Variants in NPAS4 observed in about 807,000 individuals in gnomAD.
NPAS4 encodes the protein neuronal PAS domain protein 4.
A neutral mutation model predicts 64.0 loss-of-function variants in NPAS4; 10 were observed. That is an observed-to-expected ratio of 0.16 (90% CI 0.10 to 0.26). The LOEUF is 0.26. Ranked by LOEUF, NPAS4 falls within the 10% of genes least tolerant of loss-of-function variation. The pLI, the probability that NPAS4 is intolerant of heterozygous loss-of-function variation, is 1.00. For missense variants in NPAS4, 886 were observed against 992.6 expected, an observed-to-expected ratio of 0.89 and a Z score of 1.44; for synonymous variants, 441 against 411.7, an observed-to-expected ratio of 1.07 and a Z score of -0.86.
chr11:66,422,595 T>C, intron 3 of NPAS4, 42 bp downstream of exon 3: 1 of 1,600,110 alleles, frequency 6.2e-7, no homozygotes, highest in Non-Finnish European at 8.6e-7. Context: ...ATTTCCCACC[T>C]GCTGCCCTTC....
the NPAS4 span, chr11:66,410,806 C>T: frequency 6.6e-6 from 1 of 152,300 alleles, no homozygotes; most frequent in Non-Finnish European, 1.5e-5. Flanking sequence ...TGGGGTCCCT[C>T]TATGACTGCC....
At position 66,421,091 on chromosome 11, in the gene NPAS4, G is replaced by A; in HGVS notation, c.-89G>A. The A allele has an allele frequency of 1.7e-6, 2 of 1,150,052 alleles. No homozygotes were observed. The highest frequency in any genetic ancestry group is 1.5e-5 in the African/African-American group (1 of 64,894). The allele number at this position is 1,150,052 out of a possible 1,614,324, so 71.2% of individuals were successfully genotyped here. A position where few individuals can be genotyped will look rare whatever the true frequency, so the allele number is the denominator to read the frequency against. Reference sequence around the variant, plus strand: ...CAGAGAGCGAGCCTGAGCGAGAGACGGGGAAGCACGGAGGAGGAAGCCGCC... The same window carrying A: ...CAGAGAGCGAGCCTGAGCGAGAGACAGGGAAGCACGGAGGAGGAAGCCGCC... On this transcript the variant is annotated 5_prime_UTR_variant, in exon 1 of 8. Transcript: ENST00000311034.
upstream of NPAS4, among the ~76,000 whole-genome samples, chr11:66,420,191 C>A (rs999398950): frequency 1.1e-4 from 16 of 152,260 alleles, no homozygotes; most frequent in Non-Finnish European, 2.1e-4. Context: ...CGCCGTGCCC[C>A]CACGTCCCTG....
rs780926025 is a variant in NPAS4 at position 66,423,208 on chromosome 11, G to A, written c.784G>A (p.Ala262Thr). ...GLLHPEDLAH[A>T]SAQHYRLLAE... ...GCTGCACCCCGAGGACCTGGCCCAC[G>A]CTTCTGCTCAACACTACCGCCTGTG... Residue 262 changes from alanine (A) to threonine (T), a missense_variant, in exon 5 of 8, where the codon GCT becomes ACT. Ala to Thr is a moderately conservative substitution (Grantham distance 58). Around this residue, in one of 3 missense-constraint regions of NPAS4, gnomAD observed 820 missense variants for 855.5 expected, o/e 0.96. Transcript: ENST00000311034. 6.8e-6 allele frequency: 11 copies of A among 1,608,234 alleles called. No homozygotes were observed. The highest frequency in any genetic ancestry group is 4.5e-5 in the East Asian group (2 of 44,872).
In NPAS4 at chr11:66,423,618, G is replaced by A. The variant is rs750126242; in HGVS notation, c.849G>A (p.Arg283=). 2 of 1,614,016 alleles carry A rather than the reference G, an allele frequency of 1.2e-6. No homozygotes were observed. The highest frequency in any genetic ancestry group is 2.7e-5 in the African/African-American group (2 of 74,884). ...ATATTCAGGCAGAGATGGTGGTGAG[G>A]CTACAGGCCAAGACTGGAGGCTGGG... ...SGDIQAEMVV[R]LQAKTGGWAW... is the part of the protein sequence containing the mutation. Residue 283 remains arginine, a synonymous_variant, in exon 6 of 8, where the codon AGG becomes AGA. Transcript: ENST00000311034.
the NPAS4 span, among the ~76,000 whole-genome samples, chr11:66,411,948 T>C: frequency 6.6e-6 from 1 of 152,218 alleles, no homozygotes; most frequent in African/African-American, 2.4e-5. Flanking sequence ...AGGGCTGCTG[T>C]GAGGTTTTCA....
the NPAS4 span, among the ~76,000 whole-genome samples, chr11:66,414,283 T>C: frequency 6.6e-6 from 1 of 152,140 alleles, no homozygotes; most frequent in Non-Finnish European, 1.5e-5. Context: ...GTCAAGAGTA[T>C]TGGTCGCTGC....
At chr11:66,420,073 C>A (rs2134639134), upstream of NPAS4, among the ~76,000 whole-genome samples, 1 of 152,284 alleles carries the variant, frequency 6.6e-6, no homozygotes, top group East Asian at 1.9e-4. Flanking sequence ...GGCCCCGCCC[C>A]CGCCCCCGGC....
Position 66,424,704 on chromosome 11 carries a change from T to C in NPAS4, c.1814T>C (p.Val605Ala). 1 of 1,613,070 alleles carries C rather than the reference T, an allele frequency of 6.2e-7. No homozygotes were observed. The highest frequency in any genetic ancestry group is 8.5e-7 in the Non-Finnish European group (1 of 1,179,394). ...CCCCTCTCTGTGGATGTCCCCCTGG[T>C]GCCCGAAGGCCTGCTCACACCTGAG... Reference protein sequence around the residue: ...RGPLSVDVPLVPEGLLTPEAS... With the variant: ...RGPLSVDVPLAPEGLLTPEAS... The change falls in exon 7 of 8, where the codon GTG (valine) becomes GCG (alanine). Residue 605 changes from valine to alanine, a missense_variant. Around this residue, in one of 3 missense-constraint regions of NPAS4, gnomAD observed 820 missense variants for 855.5 expected, o/e 0.96. Coordinates refer to ENST00000311034, the MANE Select transcript of NPAS4 (RefSeq NM_178864.4).
Position 66,423,996 on chromosome 11 carries a change from C to T in NPAS4, c.1106C>T (p.Ala369Val). Residue 369 changes from alanine to valine, a missense_variant, in exon 7 of 8, where the codon GCT becomes GTT. Physicochemically the swap from Ala to Val is moderately conservative, Grantham distance 64. Coordinates refer to ENST00000311034, the MANE Select transcript of NPAS4 (RefSeq NM_178864.4). The stretch of plus-strand genomic sequence containing the variant: ...CCACTCTTCACCGCAGCACTGGGGG[C>T]TCCCAGAAGCACCAGCTTCCCCAGT... ...TNPLFTAALG[A>V]PRSTSFPSAP... 6.2e-7 allele frequency: 1 copy of T among 1,614,106 alleles called. No homozygotes were observed. Among genetic ancestry groups the T allele is most frequent in the Admixed American group, 1.7e-5 (1 of 60,026 alleles).
At chr11:66,418,163 C>A (rs1447153343), upstream of NPAS4, among the ~76,000 whole-genome samples, 1 of 152,192 alleles carries the variant, frequency 6.6e-6, no homozygotes, top group Non-Finnish European at 1.5e-5. Flanking sequence ...GCCCCTCTCC[C>A]AATTCACTCC....
In NPAS4 at chr11:66,423,190, C is replaced by G. The variant is rs752732068; in HGVS notation, c.766C>G (p.Pro256Ala). The change falls in exon 5 of 8, where the codon CCC (proline) becomes GCC (alanine). Residue 256 changes from proline to alanine, a missense_variant. Coordinates refer to ENST00000311034, the MANE Select transcript of NPAS4 (RefSeq NM_178864.4). ...LCKSWYGLLH[P>A]EDLAHASAQH... is the part of the protein sequence containing the mutation. ...TAAATCATGGTATGGACTGCTGCAC[C>G]CCGAGGACCTGGCCCACGCTTCTGC... 1.2e-5 allele frequency: 20 copies of G among 1,611,036 alleles called. No homozygotes were observed. The South Asian group carries it at 1.9e-4, about 15-fold the overall frequency.
In NPAS4 at chr11:66,424,077, A is replaced by G; in HGVS notation, c.1187A>G (p.Glu396Gly). Reference protein sequence around the residue: ...ASEELPRPSKELDFSYLTFPS... With the variant: ...ASEELPRPSKGLDFSYLTFPS... ...GAAGAGCTTCCCCGACCCTCCAAAG[A>G]ACTGGACTTCAGTTACCTGACATTC... Residue 396 changes from glutamate (E) to glycine (G), a missense_variant, in exon 7 of 8, where the codon GAA becomes GGA. Physicochemically the swap from Glu to Gly is moderately conservative, Grantham distance 98. Around this residue, in one of 3 missense-constraint regions of NPAS4, gnomAD observed 820 missense variants for 855.5 expected, o/e 0.96. Coordinates refer to ENST00000311034, the MANE Select transcript of NPAS4 (RefSeq NM_178864.4). The G allele has an allele frequency of 6.2e-7, 1 of 1,614,026 alleles. No individual in the cohort carries two copies. Among genetic ancestry groups the G allele is most frequent in the Non-Finnish European group, 8.5e-7 (1 of 1,180,004 alleles).
the NPAS4 span, among the ~76,000 whole-genome samples, chr11:66,412,803 A>G: frequency 6.6e-6 from 1 of 152,002 alleles, no homozygotes; most frequent in African/African-American, 2.4e-5. Context: ...CTCAGCCCAG[A>G]TTCTCCTCCC....
At chr11:66,420,833 C>A (rs117297304), upstream of NPAS4, among the ~76,000 whole-genome samples, 18 of 152,306 alleles carry the variant, frequency 1.2e-4, no homozygotes, top group Non-Finnish European at 1.9e-4. Context: ...CCTGCTCCCC[C>A]CTCGCCCGCC....
the NPAS4 span, among the ~76,000 whole-genome samples, chr11:66,414,697 AG>A: frequency 1.3e-5 from 2 of 152,250 alleles, no homozygotes; most frequent in South Asian, 4.1e-4. Flanking sequence ...GCTAAGATGC[AG>A]CGGAAGACAA....
chr11:66,420,554 C>T (rs1856725443), upstream of NPAS4, among the ~76,000 whole-genome samples: 1 of 152,244 alleles, frequency 6.6e-6, no homozygotes, highest in Admixed American at 6.5e-5. Flanking sequence ...TGAACGTGAC[C>T]TTGTCTGTCA....
At chr11:66,417,331 C>G (rs1319517910), upstream of NPAS4, among the ~76,000 whole-genome samples, 3 of 151,908 alleles carry the variant, frequency 2.0e-5, no homozygotes, top group Non-Finnish European at 4.4e-5. Flanking sequence ...GTGCCCACAC[C>G]AGGAATTTTT....
intron 4 of NPAS4, 85 bp from the exon 5 acceptor site, chr11:66,423,038 G>A (rs1856773988): frequency 1.3e-6 from 2 of 1,518,656 alleles, no homozygotes; most frequent in East Asian, 4.7e-5. Context: ...GGGTTTAGGG[G>A]GGCAGAGGAT....
Sources: gnomAD v4.1 joint callset for allele counts (sites outside exome capture counted in the v4.1 genomes callset) on GRCh38, gnomAD v4.1.1 for gene constraint, gnomAD v4.1.1 regional missense constraint, MANE v1.5 for transcripts, NCBI Gene and HGNC (gene_info 2026-07-23, HGNC 2026-07-21) for gene names.